OR1S1: variants seen among roughly 807,000 people sequenced by gnomAD.
OR1S1 encodes olfactory receptor 1S1.
For missense variants in OR1S1, 411 were observed against 367.5 expected, an observed-to-expected ratio of 1.12 and a Z score of -0.97; for synonymous variants, 156 against 143.9, an observed-to-expected ratio of 1.08 and a Z score of -0.60.
chr11:58,214,562 G>GT (rs1565108252), intron 1 of OR1S1, among the ~76,000 whole-genome samples, 167 bp from the exon 2 acceptor site: 1 of 152,136 alleles, frequency 6.6e-6, no homozygotes, highest in Non-Finnish European at 1.5e-5. Context: ...GTTTAAAACA[G>GT]TTTTTTTGAG....
exon 2 of OR1S1, chr11:58,215,993 T>C (rs1852936811): frequency 4.7e-6 from 2 of 429,346 alleles, no homozygotes; most frequent in Non-Finnish European, 8.4e-6. Context: ...GGAATGGAGG[T>C]GATGAGTTGT....
At position 58,215,282 on chromosome 11, in the gene OR1S1, C is replaced by T. The variant is rs1010293756; in HGVS notation, c.499C>T (p.Leu167Phe). Residue 167 changes from leucine (L) to phenylalanine (F), a missense_variant, in exon 2 of 2, where the codon CTC (leucine) becomes TTC (phenylalanine). Coordinates refer to ENST00000641544, the Ensembl canonical transcript of OR1S1. ...ACACACCCTTCTGCTCATTCAATTGCTCTTCTGTAACCACAACACTCTCCC... is the reference window on the plus strand; with the variant it reads ...ACACACCCTTCTGCTCATTCAATTGTTCTTCTGTAACCACAACACTCTCCC... The T allele has an allele frequency of 4.9e-5, 79 of 1,613,444 alleles. No individual in the cohort carries two copies. The Middle Eastern group carries it at 4.9e-4, about 10-fold the overall frequency.
exon 2 of OR1S1, chr11:58,215,808 C>G: frequency 5.4e-6 from 8 of 1,484,562 alleles, no homozygotes; most frequent in Middle Eastern, 1.8e-4. Context: ...GATGGTTCAA[C>G]TTTTGATGAA....
chr11:58,213,508 T>C (rs182318140), intron 1 of OR1S1, among the ~76,000 whole-genome samples: 2 of 152,346 alleles, frequency 1.3e-5, no homozygotes, highest in East Asian at 3.9e-4. Context: ...GCTTGGGTCA[T>C]ACAGTGGAAA....
chr11:58,215,539 C>T (rs201148292), exon 2 of OR1S1: 36 of 1,614,106 alleles, frequency 2.2e-5, no homozygotes, highest in Middle Eastern at 1.6e-4. Context: ...TACTGTTCTA[C>T]GGAACCATTG....
At chr11:58,214,377 T>C (rs188614470) in intron 1 of OR1S1, among the ~76,000 whole-genome samples, 10 of 152,346 alleles carry the variant, frequency 6.6e-5, no homozygotes, top group African/African-American at 9.6e-5. Flanking sequence ...TCTGTTTTCT[T>C]AGATTTAAAG....
At chr11:58,213,188 A>T (rs1482779059) in intron 1 of OR1S1, among the ~76,000 whole-genome samples, 2 of 152,192 alleles carry the variant, frequency 1.3e-5, no homozygotes, top group Middle Eastern at 3.2e-3. Context: ...GAGATAAGTG[A>T]TGTTGGAGAT....
intron 1 of OR1S1, among the ~76,000 whole-genome samples, chr11:58,213,373 G>T (rs1390606785): frequency 6.6e-6 from 1 of 152,114 alleles, no homozygotes; most frequent in African/African-American, 2.4e-5. Context: ...TTTTAAAAAT[G>T]TTTAACTGAT....
At chr11:58,214,149 G>T (rs1445590742) in intron 1 of OR1S1, among the ~76,000 whole-genome samples, 1 of 152,114 alleles carries the variant, frequency 6.6e-6, no homozygotes, top group Non-Finnish European at 1.5e-5. Flanking sequence ...GTGTATGTGT[G>T]CCCCCTAAAT....
At chr11:58,213,582 T>G (rs1315152750) in intron 1 of OR1S1, among the ~76,000 whole-genome samples, 3 of 152,226 alleles carry the variant, frequency 2.0e-5, no homozygotes, top group Non-Finnish European at 4.4e-5. Flanking sequence ...TTGTTGTTAC[T>G]ATTGTTGTTG....
At chr11:58,215,900 G>A in exon 2 of OR1S1, 1 of 716,762 alleles carries the variant, frequency 1.4e-6, no homozygotes, top group Non-Finnish European at 2.3e-6. Context: ...AACAAAACCT[G>A]TAACTGCCAT....
chr11:58,214,439 G>A (rs1270440467), intron 1 of OR1S1, among the ~76,000 whole-genome samples: 1 of 152,144 alleles, frequency 6.6e-6, no homozygotes, highest in African/African-American at 2.4e-5. Flanking sequence ...AATTCTGCAG[G>A]TGTATATAAC....
rs146344549 is a variant in OR1S1, at chr11:58,215,168, C to T, written c.385C>T (p.Pro129Ser). ...TGACCACTTTGTGGCGATCTGCCACCCTCTGAATTATACAATTCTCATGCG... is the reference window on the plus strand; with the variant it reads ...TGACCACTTTGTGGCGATCTGCCACTCTCTGAATTATACAATTCTCATGCG... The change falls in exon 2 of 2, where the codon CCT becomes TCT. Residue 129 changes from proline (P) to serine (S), a missense_variant. Transcript: ENST00000641544. 73 of 1,614,074 alleles carry T rather than the reference C, an allele frequency of 4.5e-5. No individual in the cohort carries two copies. In the African/African-American group the frequency reaches 8.4e-4, roughly 19 times the overall value.
chr11:58,215,477 C>G, exon 2 of OR1S1: 1 of 1,614,156 alleles, frequency 6.2e-7, no homozygotes, highest in Non-Finnish European at 8.5e-7. Flanking sequence ...ATCTTCCACA[C>G]AGGGAAAGTG....
At chr11:58,213,421 C>G (rs1484998338) in intron 1 of OR1S1, among the ~76,000 whole-genome samples, 1 of 152,096 alleles carries the variant, frequency 6.6e-6, no homozygotes, top group African/African-American at 2.4e-5. Flanking sequence ...AAACCAAGTC[C>G]AGCCCAATTT....
exon 2 of OR1S1, chr11:58,215,761 G>C (rs377421532): frequency 1.1e-5 from 17 of 1,581,322 alleles, no homozygotes; most frequent in Non-Finnish European, 1.2e-5. Flanking sequence ...CACATAATCA[G>C]ATAAATGATT....
chr11:58,215,453 G>T (rs1214568505), exon 2 of OR1S1: 1 of 1,614,018 alleles, frequency 6.2e-7, no homozygotes, highest in Admixed American at 1.7e-5. Flanking sequence ...CATCATCAGA[G>T]CTGTCCTGAG....
chr11:58,213,223 G>A (rs1217962449), intron 1 of OR1S1, among the ~76,000 whole-genome samples: 1 of 151,690 alleles, frequency 6.6e-6, no homozygotes, highest in African/African-American at 2.4e-5. Context: ...GATAAAGTGA[G>A]AGGGAGACAA....
At chr11:58,215,527 A>G (rs1852925603) in exon 2 of OR1S1, 1 of 1,613,934 alleles carries the variant, frequency 6.2e-7, no homozygotes, top group Non-Finnish European at 8.5e-7. Context: ...TGACAGTTGT[A>G]TTACTGTTCT....
Sources: gnomAD v4.1 joint callset for allele counts (sites outside exome capture counted in the v4.1 genomes callset) on GRCh38, gnomAD v4.1.1 for gene constraint, MANE v1.5 for transcripts, NCBI Gene and HGNC (gene_info 2026-07-23, HGNC 2026-07-21) for gene names.